Variants in ABCC4 observed in about 807,000 individuals in gnomAD.
ABCC4 encodes the protein ATP-binding cassette sub-family C member 4.
ABCC4 carries 102 observed loss-of-function variants against 168.5 expected under a neutral mutation model. That is an observed-to-expected ratio of 0.61 (90% CI 0.52 to 0.71). The LOEUF (loss-of-function observed/expected upper bound fraction) is 0.71, where lower values mean the gene tolerates loss of function less well. Ranked by LOEUF, ABCC4 falls within the 30% of genes least tolerant of loss-of-function variation. The pLI is 0.00. For missense variants in ABCC4, 1,402 were observed against 1,605.8 expected, an observed-to-expected ratio of 0.87 and a Z score of 2.17; for synonymous variants, 617 against 590.7, an observed-to-expected ratio of 1.04 and a Z score of -0.65.
At chr13:95,143,773 C>T (rs1242405883) in intron 19 of ABCC4, among the ~76,000 whole-genome samples, 2 of 152,006 alleles carry the variant, frequency 1.3e-5, no homozygotes, top group African/African-American at 4.8e-5. Flanking sequence ...GAAAGTCATG[C>T]CAATGTACTG....
At chr13:95,108,461 C>T (rs576429144) in intron 20 of ABCC4, among the ~76,000 whole-genome samples, 3 of 152,010 alleles carry the variant, frequency 2.0e-5, no homozygotes, top group African/African-American at 7.2e-5. Flanking sequence ...GGGTTTTTCC[C>T]GTGGTATTCT....
At chr13:95,176,324 C>G (rs1341102408) in intron 13 of ABCC4, among the ~76,000 whole-genome samples, 2 of 149,098 alleles carry the variant, frequency 1.3e-5, no homozygotes, top group Non-Finnish European at 3.0e-5. Flanking sequence ...GCAAAGCCCC[C>G]TCTCTTCAAA....
At chr13:95,211,131 G>A (rs2038944579) in intron 4 of ABCC4, among the ~76,000 whole-genome samples, 1 of 152,204 alleles carries the variant, frequency 6.6e-6, no homozygotes, top group South Asian at 2.1e-4. Flanking sequence ...AACAAAATGA[G>A]AGGACGTGGA....
chr13:95,076,539 G>A (rs1080482), intron 21 of ABCC4, among the ~76,000 whole-genome samples: 34,860 of 146,704 alleles, frequency 0.24, 4,377 homozygotes, highest in African/African-American at 0.32. Flanking sequence ...GGGAGTTGCC[G>A]CCCTGCCCCG....
chr13:95,075,706 G>T, intron 21 of ABCC4, 155 bp from the exon 22 acceptor site: 1 of 908,006 alleles, frequency 1.1e-6, no homozygotes, highest in Non-Finnish European at 1.6e-6. Flanking sequence ...CCAATAGCCT[G>T]AGGGGACCCT....
intron 25 of ABCC4, among the ~76,000 whole-genome samples, chr13:95,071,051 G>GT (rs2033706791): frequency 7.6e-6 from 1 of 132,178 alleles, no homozygotes; most frequent in South Asian, 2.9e-4. Context: ...AGATCTGATG[G>GT]TTTTATAAGG....
chr13:95,253,487 G>C lies in ABCC4; in HGVS notation c.75-5734C>G, dbSNP rs535279745. On this transcript the variant is annotated intron_variant, in intron 1 of 30. Transcript: ENST00000645237. ...TGGCCTGGCATGATGGCTCATGCCT[G>C]TAATCCCAGCACTTTGGGAGGCCGA... Among the ~76,000 whole-genome samples the C allele has an allele frequency of 2.0e-5, 3 of 152,220 alleles. No homozygotes were observed. In the South Asian group the frequency reaches 6.2e-4, roughly 32 times the overall value.
At chr13:95,162,102 T>C (rs879567371) in intron 18 of ABCC4, among the ~76,000 whole-genome samples, 21 of 152,230 alleles carry the variant, frequency 1.4e-4, no homozygotes, top group Admixed American at 2.6e-4. Context: ...TCAGATGACA[T>C]GTCACTGTTA....
intron 20 of ABCC4, among the ~76,000 whole-genome samples, chr13:95,110,985 G>GAAA (rs35464540): frequency 4.4e-4 from 54 of 123,236 alleles, no homozygotes; most frequent in East Asian, 7.2e-4. Flanking sequence ...AAAAAAGAAA[G>GAAA]AAAAAAAAAA....
In ABCC4 at chr13:95,172,173, C is replaced by T. The variant is rs138143565; in HGVS notation, c.1728-1545G>A. ...TAAATTATGCTTCTTAGGCAAATCT[C>T]AAAAAATACTTTCCAAATTATTAAG... On this transcript the variant is annotated intron_variant, in intron 13 of 30. Transcript: ENST00000645237. 5.8e-4 allele frequency among the ~76,000 whole-genome samples: 89 copies of T among 152,182 alleles called. 1 individual carries two copies. In the East Asian group the frequency reaches 0.013, roughly 22 times the overall value.
chr13:95,187,515 A>G (rs1156925173), intron 10 of ABCC4, among the ~76,000 whole-genome samples: 1 of 152,198 alleles, frequency 6.6e-6, no homozygotes, highest in Non-Finnish European at 1.5e-5. Context: ...AGGCATGAGA[A>G]TCACTTGAAC....
chr13:95,192,061 G>C (rs977207818), intron 9 of ABCC4, among the ~76,000 whole-genome samples: 8 of 152,246 alleles, frequency 5.3e-5, no homozygotes, highest in Non-Finnish European at 1.2e-4. Flanking sequence ...GAGCAGTGAA[G>C]AAAGCAGAAG....
At chr13:95,247,221 A>G in intron 2 of ABCC4, 126 bp from the exon 3 acceptor site, 1 of 1,083,938 alleles carries the variant, frequency 9.2e-7, no homozygotes, top group Non-Finnish European at 1.3e-6. Flanking sequence ...AAATGCTACT[A>G]ATTGCTCCCA....
intron 4 of ABCC4, among the ~76,000 whole-genome samples, chr13:95,230,188 T>C (rs1471464734): frequency 2.6e-5 from 4 of 152,198 alleles, no homozygotes; most frequent in African/African-American, 4.8e-5. Flanking sequence ...GTCTTTTTAT[T>C]TGGTAAAAGT....
chr13:95,272,603 T>C (rs1004368930), intron 1 of ABCC4, among the ~76,000 whole-genome samples: 5 of 151,924 alleles, frequency 3.3e-5, no homozygotes, highest in African/African-American at 1.2e-4. Context: ...ACTAAACATG[T>C]GGGGCCGGGC....
intron 30 of ABCC4, among the ~76,000 whole-genome samples, chr13:95,029,385 G>T (rs1214873608): frequency 6.6e-6 from 1 of 151,698 alleles, no homozygotes; most frequent in Non-Finnish European, 1.5e-5. Context: ...GCTATTATTT[G>T]TGCTCAAAAA....
chr13:95,219,441 G>A (rs1167086452), intron 4 of ABCC4, among the ~76,000 whole-genome samples: 1 of 152,156 alleles, frequency 6.6e-6, no homozygotes, highest in Non-Finnish European at 1.5e-5. Context: ...GGTCAGAGAA[G>A]ATCATCTTAA....
At chr13:95,281,090 G>A (rs938697953) in intron 1 of ABCC4, among the ~76,000 whole-genome samples, 36 of 151,754 alleles carry the variant, frequency 2.4e-4, no homozygotes, top group East Asian at 1.9e-4. Context: ...GCATGTGGCT[G>A]TAAAAGAGAA....
At chr13:95,080,186 T>C (rs1458018077) in intron 21 of ABCC4, among the ~76,000 whole-genome samples, 2 of 152,180 alleles carry the variant, frequency 1.3e-5, no homozygotes, top group Non-Finnish European at 1.5e-5. Flanking sequence ...TTCACACTCA[T>C]GGCAGACATT....
Sources: allele counts gnomAD v4.1 joint callset (sites outside exome capture counted in the v4.1 genomes callset), GRCh38; gene constraint gnomAD v4.1.1; transcripts MANE v1.5; gene names NCBI Gene and HGNC (gene_info 2026-07-23, HGNC 2026-07-21).